The following WWOX variants were observed in gnomAD, a reference collection of about 807,000 sequenced individuals.
The protein encoded by WWOX is WW domain-containing oxidoreductase.
Under a neutral mutation model 46.2 loss-of-function variants are expected in WWOX, and 69 were observed. That is an observed-to-expected ratio of 1.49 (90% CI 1.23 to 1.82). The LOEUF (loss-of-function observed/expected upper bound fraction) is 1.82, where lower values mean the gene tolerates loss of function less well. Among genes scored for constraint, WWOX ranks in the 40% most tolerant of loss-of-function variants. The pLI, the probability that WWOX is intolerant of heterozygous loss-of-function variation, is 0.00. For missense variants in WWOX, 919 were observed against 542.6 expected, an observed-to-expected ratio of 1.69 and a Z score of -6.89; for synonymous variants, 359 against 202.6, an observed-to-expected ratio of 1.77 and a Z score of -6.56.
intron 8 of WWOX, among the ~76,000 whole-genome samples, chr16:79,065,391 G>A (rs908630854): frequency 1.3e-5 from 2 of 152,192 alleles, no homozygotes; most frequent in Admixed American, 1.3e-4. Flanking sequence ...AGCAGGAAGG[G>A]AGCTAGGGAA....
In WWOX at chr16:78,713,962, A is replaced by C. The variant is rs76925311; in HGVS notation, c.1056+281210A>C. Among the ~76,000 whole-genome samples the C allele has an allele frequency of 4.4e-3, 672 of 152,164 alleles. 6 individuals are homozygous for C. The highest frequency in any genetic ancestry group is 0.016 in the African/African-American group (651 of 41,508). ...TGTCTGTAGTCCTGGCTCTGTCTCCAATTGGCTACGAGGGCTTGTGTGTAC... is the reference window on the plus strand; with the variant it reads ...TGTCTGTAGTCCTGGCTCTGTCTCCCATTGGCTACGAGGGCTTGTGTGTAC... On this transcript the variant is annotated intron_variant, in intron 8 of 8. Transcript: ENST00000566780.
At position 79,057,038 on chromosome 16, in the gene WWOX, C is replaced by G. The variant is rs75267042; in HGVS notation, c.1057-154570C>G. Reference sequence around the variant, plus strand: ...TACGAAGGAAAAATATGAAGGAGTTCTAGAAAACACCAGAAGTGATTTTGC... The same window carrying G: ...TACGAAGGAAAAATATGAAGGAGTTGTAGAAAACACCAGAAGTGATTTTGC... On this transcript the variant is annotated intron_variant, in intron 8 of 8. Transcript: ENST00000566780. Among the ~76,000 whole-genome samples, 160 of 152,312 alleles carry G rather than the reference C, an allele frequency of 1.1e-3. 2 individuals are homozygous for G. The East Asian group carries it at 0.028, about 27-fold the overall frequency.
intron 5 of WWOX, among the ~76,000 whole-genome samples, chr16:78,339,703 A>T (rs2080970474): frequency 1.7e-5 from 2 of 119,112 alleles, no homozygotes; most frequent in East Asian, 3.9e-4. Context: ...GGATAGAATT[A>T]CAGATTTAAA....
chr16:78,281,651 G>A (rs1357632175), intron 5 of WWOX, among the ~76,000 whole-genome samples: 1 of 152,106 alleles, frequency 6.6e-6, no homozygotes, highest in African/African-American at 2.4e-5. Context: ...GCATGGCTGC[G>A]AGAAACTTTA....
At chr16:78,461,706 A>G (rs1484047180) in intron 8 of WWOX, among the ~76,000 whole-genome samples, 1 of 152,220 alleles carries the variant, frequency 6.6e-6, no homozygotes, top group East Asian at 1.9e-4. Context: ...ATACACTGCA[A>G]GTCGATTGGA....
At chr16:78,917,374 A>C (rs1306211122) in intron 8 of WWOX, among the ~76,000 whole-genome samples, 1 of 152,240 alleles carries the variant, frequency 6.6e-6, no homozygotes, top group Non-Finnish European at 1.5e-5. Flanking sequence ...CTAGATGCTT[A>C]TAATTCCTGT....
chr16:78,381,068 A>G (rs72796068), intron 5 of WWOX, among the ~76,000 whole-genome samples: 8,164 of 152,258 alleles, frequency 0.054, 287 homozygotes, highest in East Asian at 0.12. Context: ...TTGCCAGTGC[A>G]TTGGACATAC....
chr16:78,862,713 G>C (rs1014388582), intron 8 of WWOX, among the ~76,000 whole-genome samples: 3 of 152,100 alleles, frequency 2.0e-5, no homozygotes, highest in Non-Finnish European at 2.9e-5. Flanking sequence ...TCAGCTTGAA[G>C]TCAGGCATAG....
At chr16:78,729,975 C>G (rs1201632830) in intron 8 of WWOX, among the ~76,000 whole-genome samples, 1 of 152,132 alleles carries the variant, frequency 6.6e-6, no homozygotes, top group Non-Finnish European at 1.5e-5. Context: ...TTCCTCATCC[C>G]TCGAAGCTGC....
At chr16:78,416,656 G>T (rs541296714) in intron 6 of WWOX, among the ~76,000 whole-genome samples, 4 of 152,174 alleles carry the variant, frequency 2.6e-5, no homozygotes, top group Non-Finnish European at 4.4e-5. Flanking sequence ...AAGAGACATT[G>T]TTGTTATTGA....
At chr16:78,376,040 G>A (rs1158122501) in intron 5 of WWOX, among the ~76,000 whole-genome samples, 1 of 151,876 alleles carries the variant, frequency 6.6e-6, no homozygotes, top group Admixed American at 6.6e-5. Flanking sequence ...TGTAGAGATG[G>A]GGTTTCACCA....
chr16:78,687,976 A>G (rs532529154), intron 8 of WWOX, among the ~76,000 whole-genome samples: 1 of 152,302 alleles, frequency 6.6e-6, no homozygotes, highest in South Asian at 2.1e-4. Context: ...TGTGGTACAA[A>G]TGAACTTGCT....
At chr16:78,457,610 GC>G (rs2083850115) in intron 8 of WWOX, among the ~76,000 whole-genome samples, 1 of 151,936 alleles carries the variant, frequency 6.6e-6, no homozygotes, top group African/African-American at 2.4e-5. Context: ...TGCAGAGGAC[GC>G]ACATGAAAAT....
At chr16:78,746,976 T>C (rs538731153) in intron 8 of WWOX, among the ~76,000 whole-genome samples, 1 of 152,140 alleles carries the variant, frequency 6.6e-6, no homozygotes, top group African/African-American at 2.4e-5. Context: ...CACGCTCTTT[T>C]CCAGGGTCTA....
chr16:78,540,628 C>T (rs1168016186), intron 8 of WWOX, among the ~76,000 whole-genome samples: 2 of 151,992 alleles, frequency 1.3e-5, no homozygotes, highest in African/African-American at 4.8e-5. Flanking sequence ...TTGTTAGCTC[C>T]TACCTGAGCT....
At chr16:78,441,994 G>T (rs1031829153) in intron 8 of WWOX, among the ~76,000 whole-genome samples, 1 of 151,194 alleles carries the variant, frequency 6.6e-6, no homozygotes, top group Non-Finnish European at 1.5e-5. Flanking sequence ...GTGTGTGGCT[G>T]GGCATGGTGG....
chr16:78,284,336 T>A (rs1269809140), intron 5 of WWOX, among the ~76,000 whole-genome samples: 1 of 152,206 alleles, frequency 6.6e-6, no homozygotes, highest in South Asian at 2.1e-4. Flanking sequence ...TTAAGATTTT[T>A]AAAAATTACC....
chr16:78,983,961 T>A (rs1006112978), intron 8 of WWOX, among the ~76,000 whole-genome samples: 1 of 131,076 alleles, frequency 7.6e-6, no homozygotes, highest in Non-Finnish European at 1.6e-5. Context: ...GACTGCAAGC[T>A]CTGCATCCCA....
intron 8 of WWOX, among the ~76,000 whole-genome samples, chr16:79,188,284 G>T (rs181091989): frequency 4.9e-4 from 74 of 152,296 alleles, no homozygotes; most frequent in Admixed American, 4.3e-3. Flanking sequence ...GTCGGTGGAG[G>T]CAGGCGTTCA....
Sources: allele counts gnomAD v4.1 joint callset (sites outside exome capture counted in the v4.1 genomes callset), GRCh38; gene constraint gnomAD v4.1.1; transcripts MANE v1.5; gene names NCBI Gene and HGNC (gene_info 2026-07-23, HGNC 2026-07-21).